ELFN2: variants seen among roughly 807,000 people sequenced by gnomAD.
The protein encoded by ELFN2 is protein phosphatase 1 regulatory subunit 29.
ELFN2 carries 17 observed loss-of-function variants against 45.5 expected under a neutral mutation model. That is an observed-to-expected ratio of 0.37 (90% confidence interval 0.26 to 0.56). The LOEUF (loss-of-function observed/expected upper bound fraction) is 0.56, where lower values mean the gene tolerates loss of function less well. Ranked by LOEUF, ELFN2 falls within the 20% of genes least tolerant of loss-of-function variation. The pLI is 0.77. For synonymous variants in ELFN2, 550 were observed against 551.5 expected, an observed-to-expected ratio of 1.00 and a Z score of 0.04; for missense variants, 922 against 1,183.2, an observed-to-expected ratio of 0.78 and a Z score of 3.24.
Position 37,374,272 on chromosome 22 carries a change from C to G in ELFN2, c.1263G>C (p.Lys421Asn). The stretch of plus-strand genomic sequence containing the variant: ...TCTGCTTCTCCTCCTGCATGCGCCG[C>G]TTGCGCAGGCAGTAGTACACGGCTC... ...VLGAVYYCLR[K>N]RRMQEEKQKS... The change falls in exon 3 of 3, where the codon AAG (lysine) becomes AAC (asparagine). Residue 421 changes from lysine (K) to asparagine (N), a missense_variant. By Grantham distance (94) the Lys-to-Asn change is moderately conservative. Around this residue, in one of 2 missense-constraint regions of ELFN2, gnomAD observed 564 missense variants for 642.8 expected, o/e 0.88. Coordinates refer to ENST00000402918, the MANE Select transcript of ELFN2 (RefSeq NM_052906.5). The G allele has an allele frequency of 6.2e-7, 1 of 1,614,054 alleles. No individual in the cohort carries two copies. The highest frequency in any genetic ancestry group is 8.5e-7 in the Non-Finnish European group (1 of 1,180,032).
chr22:37,392,671 C>T (rs1932114583), intron 2 of ELFN2, among the ~76,000 whole-genome samples: 1 of 152,162 alleles, frequency 6.6e-6, no homozygotes, highest in African/African-American at 2.4e-5. Context: ...GTAAGGCTCT[C>T]AGAGATTAAG....
chr22:37,353,691 G>A (rs1015942), intron 1 of ELFN2: 64,491 of 150,398 alleles, frequency 0.43, 16,113 homozygotes, highest in African/African-American at 0.56. Context: ...AGGGAAATGC[G>A]AATTAAAATC....
intron 2 of ELFN2, among the ~76,000 whole-genome samples, chr22:37,387,052 G>C (rs1336245174): frequency 1.3e-5 from 2 of 152,206 alleles, no homozygotes; most frequent in African/African-American, 4.8e-5. Context: ...TCTGGCGCGT[G>C]GCACCGTGGC....
intron 2 of ELFN2, among the ~76,000 whole-genome samples, chr22:37,389,055 A>G (rs567581155): frequency 3.3e-5 from 5 of 152,312 alleles, no homozygotes; most frequent in Admixed American, 6.5e-5. Context: ...GCTTCCTCTC[A>G]GAGCTTGGCG....
downstream of ELFN2, among the ~76,000 whole-genome samples, chr22:37,366,327 G>A (rs1011454906): frequency 2.0e-5 from 3 of 152,194 alleles, no homozygotes; most frequent in Admixed American, 6.5e-5. Flanking sequence ...AACTGTTGCC[G>A]GATCTCCACC....
intron 2 of ELFN2, among the ~76,000 whole-genome samples, chr22:37,379,710 T>C (rs1276411815): frequency 6.6e-6 from 1 of 152,170 alleles, no homozygotes; most frequent in East Asian, 1.9e-4. Context: ...CTTGCTGCTC[T>C]GAGGGCAGAG....
intron 1 of ELFN2, chr22:37,354,674 G>A (rs1453613770): frequency 4.0e-5 from 6 of 151,262 alleles, no homozygotes. Flanking sequence ...GGGTTCTTAT[G>A]GGGTTTTTGC....
At chr22:37,389,783 G>A (rs1932045449) in intron 2 of ELFN2, among the ~76,000 whole-genome samples, 1 of 152,166 alleles carries the variant, frequency 6.6e-6, no homozygotes, top group South Asian at 2.1e-4. Flanking sequence ...CTGAGGACAG[G>A]ACCCCATCTT....
chr22:37,405,975 A>G (rs1422643131), intron 2 of ELFN2, among the ~76,000 whole-genome samples: 1 of 152,014 alleles, frequency 6.6e-6, no homozygotes, highest in African/African-American at 2.4e-5. Flanking sequence ...TGTCTCCACA[A>G]AAAAGTTTTT....
Position 37,374,455 on chromosome 22 carries a change from G to A in ELFN2, c.1080C>T (p.Cys360=), listed in dbSNP as rs762489188. The A allele has an allele frequency of 6.8e-6, 11 of 1,614,062 alleles. No individual in the cohort carries two copies. Among genetic ancestry groups the A allele is most frequent in the Non-Finnish European group, 8.5e-6 (10 of 1,180,036 alleles). ...KLRAHTEYTF[C]VTSLRNSRRF... ...GGCGGCTGTTGCGCAGCGAGGTCAC[G>A]CAGAAGGTGTACTCAGTGTGCGCCC... The change falls in exon 3 of 3, where the codon TGC becomes TGT. Residue 360 remains cysteine (C), a synonymous_variant. Transcript: ENST00000402918.
At chr22:37,358,406 G>T (rs1931000840) in intron 1 of ELFN2, among the ~76,000 whole-genome samples, 3 of 152,248 alleles carry the variant, frequency 2.0e-5, no homozygotes, top group African/African-American at 7.2e-5. Context: ...GTCCGCCGGG[G>T]CGAGCCTCGG....
intron 1 of ELFN2, among the ~76,000 whole-genome samples, chr22:37,361,654 CCTATCCCTAG>C (rs1177008601): frequency 6.6e-6 from 1 of 152,138 alleles, no homozygotes; most frequent in African/African-American, 2.4e-5. Flanking sequence ...AGAGCCCAGG[CCTATCCCTAG>C]TATTTCCTAG....
chr22:37,415,084 G>A (rs1485304823), intron 2 of ELFN2, among the ~76,000 whole-genome samples: 4 of 152,250 alleles, frequency 2.6e-5, no homozygotes, highest in African/African-American at 7.2e-5. Flanking sequence ...TTCCAGGAAA[G>A]TGGCAGTGTT....
Position 37,374,329 on chromosome 22 carries a change from C to G in ELFN2, c.1206G>C (p.Leu402=), listed in dbSNP as rs1391660748. Residue 402 remains leucine, a synonymous_variant, in exon 3 of 3, where the codon CTG becomes CTC. Transcript: ENST00000402918. ...CGATAACCATGCCAAAGAGGCAGCC[C>G]AGGATGGTCATGATGTAGTGGGTGG... ...STTTHYIMTI[L]GCLFGMVIVL... is the part of the protein sequence containing the mutation. The G allele has an allele frequency of 6.2e-7, 1 of 1,613,912 alleles. No homozygotes were observed. The highest frequency in any genetic ancestry group is 1.3e-5 in the African/African-American group (1 of 74,940).
chr22:37,377,866 C>T (rs1270639986), intron 2 of ELFN2, among the ~76,000 whole-genome samples: 2 of 152,222 alleles, frequency 1.3e-5, no homozygotes, highest in Non-Finnish European at 2.9e-5. Context: ...GGCCCCCGTC[C>T]AGCACGGCCA....
intron 2 of ELFN2, among the ~76,000 whole-genome samples, chr22:37,381,806 G>A (rs1013544695): frequency 2.6e-5 from 4 of 151,912 alleles, no homozygotes; most frequent in African/African-American, 9.7e-5. Flanking sequence ...ATGGTGGGGA[G>A]ATCCTGGATC....
rs897326378 is a variant in ELFN2, at chr22:37,373,071, G to A, written c.*1C>T. On this transcript the variant is annotated 3_prime_UTR_variant, in exon 3 of 3. Transcript: ENST00000402918. Reference sequence around the variant, plus strand: ...GACCTCACCAGGGAGGAAGGGGGGGGTCACAGCTTCTGCTGGGCGGAGACC... The same window carrying A: ...GACCTCACCAGGGAGGAAGGGGGGGATCACAGCTTCTGCTGGGCGGAGACC... The A allele has an allele frequency of 9.5e-6, 15 of 1,584,544 alleles. No homozygotes were observed. The highest frequency in any genetic ancestry group is 5.4e-5 in the African/African-American group (4 of 74,576).
Position 37,372,975 on chromosome 22 carries a change from G to C in ELFN2, c.*97C>G. 1 of 1,397,996 alleles carries C rather than the reference G, an allele frequency of 7.2e-7. No individual in the cohort carries two copies. Among genetic ancestry groups the C allele is most frequent in the Non-Finnish European group, 9.5e-7 (1 of 1,051,584 alleles). The allele number at this position is 1,397,996 out of a possible 1,614,324, so 86.6% of individuals were successfully genotyped here. ...GCATGTGCGTCCTCTCCTGGGCCTT[G>C]GCCCCCGAGTCTGCTCCCCGCCCTG... On this transcript the variant is annotated 3_prime_UTR_variant, in exon 3 of 3. Coordinates refer to ENST00000402918, the MANE Select transcript of ELFN2 (RefSeq NM_052906.5). The surrounding 1 kb of genome is among the most constrained non-coding windows in gnomAD (Gnocchi z 4.4).
intron 2 of ELFN2, among the ~76,000 whole-genome samples, chr22:37,406,252 T>C (rs1932498143): frequency 1.3e-5 from 2 of 152,254 alleles, no homozygotes; most frequent in African/African-American, 4.8e-5. Context: ...AGTCCAGTGA[T>C]GGCACACAGC....
Sources: gnomAD v4.1 joint callset for allele counts (sites outside exome capture counted in the v4.1 genomes callset) on GRCh38, gnomAD v4.1.1 for gene constraint, gnomAD v4.1.1 regional missense constraint, Gnocchi (gnomAD v3.1) non-coding constraint, MANE v1.5 for transcripts, NCBI Gene and HGNC (gene_info 2026-07-23, HGNC 2026-07-21) for gene names.